The following KCNQ1OT1 variants were observed in gnomAD, a reference collection of about 807,000 sequenced individuals.
KCNQ1OT1 encodes KCNQ1 antisense RNA 2 (non-protein coding).
Position 2,657,980 on chromosome 11 carries a change from C to T in KCNQ1OT1, n.42015G>A. ...CTCGTTTAAAGTGGTGTCGGCCAGG[C>T]TCCTCCACTGTAAGTGAATAGCTGT... On this transcript the variant is annotated non_coding_transcript_exon_variant, in exon 1 of 1. Transcript: ENST00000597346. The surrounding 1 kb of genome is among the most constrained non-coding windows in gnomAD (Gnocchi z 4.8). 3 of 398,602 alleles carry T rather than the reference C, an allele frequency of 7.5e-6. No individual in the cohort carries two copies. The highest frequency in any genetic ancestry group is 1.3e-5 in the Non-Finnish European group (3 of 226,060). 24.7% of individuals were successfully genotyped at this position (398,602 alleles called of 1,614,324 possible).
At chr11:2,610,458 G>A (rs1848961828) in exon 1 of KCNQ1OT1, 1 of 398,036 alleles carries the variant, frequency 2.5e-6, no homozygotes, top group Non-Finnish European at 4.4e-6. Context: ...CACTTTTTTG[G>A]TTTTTATGGA....
Position 2,613,723 on chromosome 11 carries a change from A to G in KCNQ1OT1, n.86272T>C, listed in dbSNP as rs1266376328. 2 of 398,438 alleles carry G rather than the reference A, an allele frequency of 5.0e-6. No homozygotes were observed. The highest frequency in any genetic ancestry group is 3.6e-5 in the East Asian group (1 of 28,072). 24.7% of individuals were successfully genotyped at this position (398,438 alleles called of 1,614,324 possible). On this transcript the variant is annotated non_coding_transcript_exon_variant, in exon 1 of 1. Transcript: ENST00000597346. This position sits in a 1 kb window ranked among gnomAD's most constrained non-coding sequence, Gnocchi z 4.8. ...TTTTTTGAATACATATAACATTAAC[A>G]TACTTCCAAAAGTCAATACTAAACA...
exon 1 of KCNQ1OT1, chr11:2,699,127 C>A: frequency 2.5e-6 from 1 of 398,656 alleles, no homozygotes; most frequent in Non-Finnish European, 4.4e-6. Context: ...GATGCGGATT[C>A]CAGACTCCAA....
exon 1 of KCNQ1OT1, chr11:2,649,294 T>G (rs1285005747): frequency 1.0e-5 from 4 of 398,414 alleles, no homozygotes; most frequent in Non-Finnish European, 1.8e-5. Context: ...TTCCTCTCAT[T>G]GTTTTTCTTT....
Position 2,623,523 on chromosome 11 carries a change from T to G in KCNQ1OT1, n.76472A>C, listed in dbSNP as rs1000684173. 22 of 398,470 alleles carry G rather than the reference T, an allele frequency of 5.5e-5. No individual in the cohort carries two copies. The highest frequency in any genetic ancestry group is 4.1e-4 in the African/African-American group (20 of 48,640). 24.7% of individuals were successfully genotyped at this position (398,470 alleles called of 1,614,324 possible). On this transcript the variant is annotated non_coding_transcript_exon_variant, in exon 1 of 1. Coordinates refer to ENST00000597346, the Ensembl canonical transcript of KCNQ1OT1. The surrounding 1 kb of genome is among the most constrained non-coding windows in gnomAD (Gnocchi z 5.2). ...GCAATATGATTGGAATCATACAGTA[T>G]GTAGTTTCTTCAGATTGCCTTATTT...
At position 2,627,793 on chromosome 11, in the gene KCNQ1OT1, C is replaced by T. The variant is rs538733446; in HGVS notation, n.72202G>A. 2.1e-4 allele frequency: 84 copies of T among 398,340 alleles called. 1 individual carries two copies. The highest frequency in any genetic ancestry group is 1.6e-3 in the African/African-American group (80 of 48,718). 24.7% of individuals were successfully genotyped at this position (398,340 alleles called of 1,614,324 possible). On this transcript the variant is annotated non_coding_transcript_exon_variant, in exon 1 of 1. Transcript: ENST00000597346. This position sits in a 1 kb window ranked among gnomAD's most constrained non-coding sequence, Gnocchi z 4.9. ...TGAGACAGGGTCTCCATCTGTCATCCAGGCAGGAGTACAGTGGCACAATCA... is the reference window on the plus strand; with the variant it reads ...TGAGACAGGGTCTCCATCTGTCATCTAGGCAGGAGTACAGTGGCACAATCA...
chr11:2,688,965 G>A (rs1850543748), exon 1 of KCNQ1OT1: 1 of 398,846 alleles, frequency 2.5e-6, no homozygotes, highest in Non-Finnish European at 4.4e-6. Flanking sequence ...GGCTCTGAGA[G>A]TAGGGGTCTG....
rs1266094382 is a variant in KCNQ1OT1 at position 2,679,378 on chromosome 11, TCA to T, written n.20615_20616del. 1 of 398,540 alleles carries T rather than the reference TCA, an allele frequency of 2.5e-6. No homozygotes were observed. Among genetic ancestry groups the T allele is most frequent in the Non-Finnish European group, 4.4e-6 (1 of 226,080 alleles). The allele number at this position is 398,540 out of a possible 1,614,324, so 24.7% of individuals were successfully genotyped here. ...TACACCTTGAGTGAGTCACTTAGTC[TCA>T]GTTTCTTTATTTGTAAAATGGGAAT... On this transcript the variant is annotated non_coding_transcript_exon_variant, in exon 1 of 1. Coordinates refer to ENST00000597346, the Ensembl canonical transcript of KCNQ1OT1. This position sits in a 1 kb window ranked among gnomAD's most constrained non-coding sequence, Gnocchi z 4.8.
In KCNQ1OT1 at chr11:2,679,886, A is replaced by AT. The variant is rs144309171; in HGVS notation, n.20108dup. On this transcript the variant is annotated non_coding_transcript_exon_variant, in exon 1 of 1. Coordinates refer to ENST00000597346, the Ensembl canonical transcript of KCNQ1OT1. The surrounding 1 kb of genome is among the most constrained non-coding windows in gnomAD (Gnocchi z 4.8). ...TATAAACTTAGAACTAGCACGCCTA[A>AT]TTTTTTTTTTATTTTTATTTTTTTT... 2.4e-4 allele frequency: 92 copies of AT among 378,808 alleles called. No homozygotes were observed. Among genetic ancestry groups the AT allele is most frequent in the Middle Eastern group, 1.3e-3 (2 of 1,496 alleles). The allele number at this position is 378,808 out of a possible 1,614,324, so 23.5% of individuals were successfully genotyped here.
At chr11:2,622,530 C>T (rs939734024) in exon 1 of KCNQ1OT1, 8 of 398,196 alleles carry the variant, frequency 2.0e-5, no homozygotes, top group East Asian at 1.1e-4. Flanking sequence ...AGAATTTAAT[C>T]GACTTACATT....
In KCNQ1OT1 at chr11:2,667,139, T is replaced by C. The variant is rs1011387761; in HGVS notation, n.32856A>G. On this transcript the variant is annotated non_coding_transcript_exon_variant, in exon 1 of 1. Transcript: ENST00000597346. ...ATGGCTCAGTGGGAAAGAGATGGGA[T>C]TGGGAATCAGATGCCCTCAATCTGG... The C allele has an allele frequency of 2.7e-4, 107 of 398,598 alleles. 1 individual carries two copies. The highest frequency in any genetic ancestry group is 1.6e-3 in the African/African-American group (77 of 48,720). The allele number at this position is 398,598 out of a possible 1,614,324, so 24.7% of individuals were successfully genotyped here. A position where few individuals can be genotyped will look rare whatever the true frequency, so the allele number is the denominator to read the frequency against.
rs1850661740 is a variant in KCNQ1OT1 at position 2,695,593 on chromosome 11, G to T, written n.4402C>A. 2.5e-6 allele frequency: 1 copy of T among 398,410 alleles called. No homozygotes were observed. The allele number at this position is 398,410 out of a possible 1,614,324, so 24.7% of individuals were successfully genotyped here. On this transcript the variant is annotated non_coding_transcript_exon_variant, in exon 1 of 1. Coordinates refer to ENST00000597346, the Ensembl canonical transcript of KCNQ1OT1. This position sits in a 1 kb window ranked among gnomAD's most constrained non-coding sequence, Gnocchi z 5.2. ...ACACACACAGCCTCTCGTTGTTCTG[G>T]GTGAGAACTGCTCCAGCATGTTTAC...
chr11:2,689,567 GA>G (rs1850555362), exon 1 of KCNQ1OT1: 2 of 398,548 alleles, frequency 5.0e-6, no homozygotes, highest in African/African-American at 4.1e-5. Flanking sequence ...GAATGATGTG[GA>G]AATCTGTTAG....
rs1850662218 is a variant in KCNQ1OT1 at position 2,695,621 on chromosome 11, A to G, written n.4374T>C. On this transcript the variant is annotated non_coding_transcript_exon_variant, in exon 1 of 1. Coordinates refer to ENST00000597346, the Ensembl canonical transcript of KCNQ1OT1. This position sits in a 1 kb window ranked among gnomAD's most constrained non-coding sequence, Gnocchi z 5.2. ...GAGAACTGCTCCAGCATGTTTACTTAGGAGGGAAACTGCTGGGCCACAGGT... is the reference window on the plus strand; with the variant it reads ...GAGAACTGCTCCAGCATGTTTACTTGGGAGGGAAACTGCTGGGCCACAGGT... The G allele has an allele frequency of 7.5e-6, 3 of 398,400 alleles. No homozygotes were observed. The highest frequency in any genetic ancestry group is 1.3e-5 in the Non-Finnish European group (3 of 226,058). The allele number at this position is 398,400 out of a possible 1,614,324, so 24.7% of individuals were successfully genotyped here.
At position 2,669,251 on chromosome 11, in the gene KCNQ1OT1, C is replaced by A; in HGVS notation, n.30744G>T. ...CTGCTGGCTCTGGCTGCTTCTCCTT[C>A]CCCATCACTGGCTTTGCTGTCTTTG... On this transcript the variant is annotated non_coding_transcript_exon_variant, in exon 1 of 1. Coordinates refer to ENST00000597346, the Ensembl canonical transcript of KCNQ1OT1. The surrounding 1 kb of genome is among the most constrained non-coding windows in gnomAD (Gnocchi z 5.6). The A allele has an allele frequency of 2.5e-6, 1 of 398,734 alleles. No individual in the cohort carries two copies. The allele number at this position is 398,734 out of a possible 1,614,324, so 24.7% of individuals were successfully genotyped here.
At chr11:2,699,980 C>G in exon 1 of KCNQ1OT1, 1 of 398,312 alleles carries the variant, frequency 2.5e-6, no homozygotes. Flanking sequence ...GCTGAGGCGA[C>G]GCGGCGACCG....
In KCNQ1OT1 at chr11:2,612,780, C is replaced by A. The variant is rs971570812; in HGVS notation, n.87215G>T. On this transcript the variant is annotated non_coding_transcript_exon_variant, in exon 1 of 1. Transcript: ENST00000597346. This position sits in a 1 kb window ranked among gnomAD's most constrained non-coding sequence, Gnocchi z 5.5. ...GCTCATTATTCTTGTTCAAGGGTCA[C>A]AATTTTCTGTTTCTTTGCATATCTC... The A allele has an allele frequency of 2.5e-5, 10 of 398,414 alleles. No individual in the cohort carries two copies. The East Asian group carries it at 3.2e-4, about 13-fold the overall frequency. 24.7% of individuals were successfully genotyped at this position (398,414 alleles called of 1,614,324 possible). A position where few individuals can be genotyped will look rare whatever the true frequency, so the allele number is the denominator to read the frequency against.
rs188955964 is a variant in KCNQ1OT1, at chr11:2,646,356, T to A, written n.53639A>T. 6.6e-4 allele frequency: 264 copies of A among 398,614 alleles called. No homozygotes were observed. The highest frequency in any genetic ancestry group is 7.1e-4 in the Non-Finnish European group (160 of 226,064). The allele number at this position is 398,614 out of a possible 1,614,324, so 24.7% of individuals were successfully genotyped here. A position where few individuals can be genotyped will look rare whatever the true frequency, so the allele number is the denominator to read the frequency against. On this transcript the variant is annotated non_coding_transcript_exon_variant, in exon 1 of 1. Coordinates refer to ENST00000597346, the Ensembl canonical transcript of KCNQ1OT1. ...CATGAGCATGGGATGTCTCAAAAAA[T>A]TTTGTAGCCTCTTCAATTACTGTTA...
In KCNQ1OT1 at chr11:2,627,471, C is replaced by T. The variant is rs1849280377; in HGVS notation, n.72524G>A. On this transcript the variant is annotated non_coding_transcript_exon_variant, in exon 1 of 1. Transcript: ENST00000597346. This position sits in a 1 kb window ranked among gnomAD's most constrained non-coding sequence, Gnocchi z 4.9. ...TTTCCTATTTCCCCTACTCCCTGAC[C>T]CCTAGTAACCACCCTTCTACTCTCC... 2 of 398,486 alleles carry T rather than the reference C, an allele frequency of 5.0e-6. No individual in the cohort carries two copies. The highest frequency in any genetic ancestry group is 8.8e-6 in the Non-Finnish European group (2 of 226,040). 24.7% of individuals were successfully genotyped at this position (398,486 alleles called of 1,614,324 possible).
Sources: allele counts gnomAD v4.1 joint callset, GRCh38; gene constraint gnomAD v4.1.1; non-coding constraint Gnocchi (gnomAD v3.1); transcripts MANE v1.5; gene names NCBI Gene and HGNC (gene_info 2026-07-23, HGNC 2026-07-21).